ANK3: variants seen among roughly 807,000 people sequenced by gnomAD.
ANK3 encodes ankyrin 3, also known as ankyrin-3.
Under a neutral mutation model 370.9 loss-of-function variants are expected in ANK3, and 57 were observed. The ratio of observed to expected loss-of-function variants is 0.15; its 90% confidence interval spans 0.12 to 0.19. The LOEUF is 0.19. Among genes scored for constraint, ANK3 ranks in the 10% least tolerant of loss-of-function variants. The pLI, the probability that ANK3 is intolerant of heterozygous loss-of-function variation, is 1.00. For missense variants in ANK3, 4,439 were observed against 5,302.1 expected (o/e 0.84, Z 5.06); for synonymous variants, 1,929 against 1,946.3 (o/e 0.99, Z 0.23).
chr10:60,611,695 T>A (rs1320883983), intron 2 of ANK3, among the ~76,000 whole-genome samples: 2 of 151,782 alleles, frequency 1.3e-5, no homozygotes, highest in Non-Finnish European at 2.9e-5. Context: ...ACACTTTCCT[T>A]CATCCTTTCT....
intron 1 of ANK3, among the ~76,000 whole-genome samples, chr10:60,683,654 AT>A (rs1324373281): frequency 9.2e-5 from 14 of 152,262 alleles, no homozygotes; most frequent in Middle Eastern, 6.8e-3. Flanking sequence ...CTCCTTTTAT[AT>A]TTTTCTAAAC....
chr10:60,043,717 C>T (rs2076496335), intron 42 of ANK3: 1 of 985,298 alleles, frequency 1.0e-6, no homozygotes, highest in African/African-American at 1.7e-5. Flanking sequence ...CCGCCCCTGT[C>T]CCAACAGACA....
In ANK3 at chr10:60,032,194, C is replaced by CTTTTTTTTTTTTTTTTTTTTT. The variant is rs552219776; in HGVS notation, c.*20-2389_*20-2369dup. On this transcript the variant is annotated intron_variant, in intron 43 of 43. Coordinates refer to ENST00000280772, the MANE Select transcript of ANK3 (RefSeq NM_020987.5). ...TTCAGCTATTATAAATACACAGCTT[C>CTTTTTTTTTTTTTTTTTTTTT]TTTTTTTTTTTTTTTTTTTTTTTTT... 4.4e-3 allele frequency among the ~76,000 whole-genome samples: 189 copies of CTTTTTTTTTTTTTTTTTTTTT among 43,122 alleles called. 52 individuals carry two copies. The highest frequency in any genetic ancestry group is 6.6e-3 in the Non-Finnish European group (147 of 22,388). 28.3% of individuals were successfully genotyped at this position (43,122 alleles called of 152,430 possible).
rs146157196 is a variant in ANK3, at chr10:60,200,832, T to C, written c.1393-605A>G. Among the ~76,000 whole-genome samples the C allele has an allele frequency of 1.1e-4, 17 of 152,354 alleles. No homozygotes were observed. In the East Asian group the frequency reaches 3.3e-3, roughly 29 times the overall value. On this transcript the variant is annotated intron_variant, in intron 12 of 43. Coordinates refer to ENST00000280772, the MANE Select transcript of ANK3 (RefSeq NM_020987.5). ...TTGGCTTGTCAACAGCCGGTTTGCA[T>C]TTCTTGTTTTATCTGAACAGATCAA...
chr10:60,719,326 C>T (rs1398664625), intron 1 of ANK3, among the ~76,000 whole-genome samples: 1 of 151,964 alleles, frequency 6.6e-6, no homozygotes, highest in Non-Finnish European at 1.5e-5. Context: ...ATTAATATAT[C>T]CTTACATATT....
chr10:60,102,689 T>C (rs2091483171), intron 28 of ANK3, among the ~76,000 whole-genome samples: 1 of 152,226 alleles, frequency 6.6e-6, no homozygotes, highest in African/African-American at 2.4e-5. Flanking sequence ...TTTACAATTG[T>C]GTTAATAAAT....
chr10:60,084,641 T>C lies in ANK3; in HGVS notation c.4035A>G (p.Gln1345=). ...TTCTTGCGACTTCCTCAAAATTCTC[T>C]TGTTGCTCTAAAGTTTTGTCCACTT... is the stretch of plus-strand genomic sequence containing the variant. ...DDKVDKTLEQ[Q]ENFEEVARSK... is the part of the protein sequence containing the mutation. The change falls in exon 32 of 44, where the codon CAA becomes CAG. Residue 1345 remains glutamine, a synonymous_variant. Transcript: ENST00000280772. The C allele has an allele frequency of 6.2e-7, 1 of 1,614,026 alleles. No individual in the cohort carries two copies. The highest frequency in any genetic ancestry group is 8.5e-7 in the Non-Finnish European group (1 of 1,179,976).
intron 2 of ANK3, among the ~76,000 whole-genome samples, chr10:60,588,251 C>A (rs1276153651): frequency 6.6e-6 from 1 of 150,916 alleles, no homozygotes; most frequent in Non-Finnish European, 1.5e-5. Flanking sequence ...GTGGCGCGAT[C>A]TCAGCTCACT....
chr10:60,304,220 G>T (rs2044453528), intron 1 of ANK3, among the ~76,000 whole-genome samples: 1 of 150,178 alleles, frequency 6.7e-6, no homozygotes, highest in Non-Finnish European at 1.5e-5. Flanking sequence ...TATTATACTT[G>T]AAATTTGCTG....
At chr10:60,185,235 T>C (rs1482940053) in intron 17 of ANK3, among the ~76,000 whole-genome samples, 2 of 152,356 alleles carry the variant, frequency 1.3e-5, no homozygotes, top group South Asian at 4.1e-4. Context: ...CCTGGTCTCC[T>C]GTATATGTCT....
chr10:60,449,736 T>G (rs1379603560), intron 2 of ANK3, among the ~76,000 whole-genome samples: 1 of 152,144 alleles, frequency 6.6e-6, no homozygotes, highest in African/African-American at 2.4e-5. Flanking sequence ...CTCTCTTCAT[T>G]TATTTACCCT....
chr10:60,568,478 A>T (rs983662041), intron 2 of ANK3, among the ~76,000 whole-genome samples: 4 of 152,194 alleles, frequency 2.6e-5, no homozygotes, highest in African/African-American at 9.7e-5. Flanking sequence ...GAAACCAAAA[A>T]ATGTGCATGA....
intron 29 of ANK3, 81 bp from the exon 30 acceptor site, chr10:60,086,965 G>A (rs1372006438): frequency 6.2e-4 from 314 of 505,494 alleles, no homozygotes; most frequent in South Asian, 4.4e-3. Flanking sequence ...TTTTAAGTGA[G>A]AAGGAAAAAA....
chr10:60,106,467 T>C (rs1259501113), intron 27 of ANK3, among the ~76,000 whole-genome samples: 1 of 152,178 alleles, frequency 6.6e-6, no homozygotes, highest in African/African-American at 2.4e-5. Flanking sequence ...AAAAAAATTC[T>C]ATAAAGTTCC....
chr10:60,234,851 A>G (rs1207504677), intron 7 of ANK3, 65 bp from the exon 8 acceptor site: 6 of 966,576 alleles, frequency 6.2e-6, no homozygotes, highest in Middle Eastern at 2.4e-4. Context: ...TCCTTTCTAA[A>G]CTTCCCCCAA....
At chr10:60,064,061 A>G in intron 39 of ANK3, 96 bp downstream of exon 39, 1 of 1,206,508 alleles carries the variant, frequency 8.3e-7, no homozygotes, top group Non-Finnish European at 1.1e-6. Context: ...GATTACAGAA[A>G]ATTACAACAC....
chr10:60,490,606 C>T, intron 2 of ANK3, among the ~76,000 whole-genome samples: 1 of 152,192 alleles, frequency 6.6e-6, no homozygotes, highest in South Asian at 2.1e-4. Context: ...TCACTCCCAT[C>T]CTCTCTCCTG....
At chr10:60,274,528 T>G (rs1280755675) in intron 4 of ANK3, among the ~76,000 whole-genome samples, 3 of 152,282 alleles carry the variant, frequency 2.0e-5, no homozygotes, top group South Asian at 4.1e-4. Context: ...AGCTTGCCCT[T>G]CATTAATTAC....
chr10:60,126,887 C>T (rs952830593), intron 25 of ANK3, among the ~76,000 whole-genome samples: 1 of 152,090 alleles, frequency 6.6e-6, no homozygotes, highest in Non-Finnish European at 1.5e-5. Context: ...TTGTTCCTAC[C>T]AGGTTTCATT....
Sources: allele counts gnomAD v4.1 joint callset (sites outside exome capture counted in the v4.1 genomes callset), GRCh38; gene constraint gnomAD v4.1.1; transcripts MANE v1.5; gene names NCBI Gene and HGNC (gene_info 2026-07-23, HGNC 2026-07-21).